BTD: variants seen among roughly 807,000 people sequenced by gnomAD.
The protein encoded by BTD is biocytinase.
A neutral mutation model predicts 17.7 loss-of-function variants in BTD; 13 were observed. That is an observed-to-expected ratio of 0.74 (90% confidence interval 0.48 to 1.17). The LOEUF (loss-of-function observed/expected upper bound fraction) is 1.17. BTD is among the 50% of genes most tolerant of loss of function. The pLI, the probability that BTD is intolerant of heterozygous loss-of-function variation, is 0.00. For missense variants in BTD, 674 were observed against 650.4 expected, an observed-to-expected ratio of 1.04 and a Z score of -0.39; for synonymous variants, 240 against 245.2, an observed-to-expected ratio of 0.98 and a Z score of 0.20.
intron 1 of BTD, among the ~76,000 whole-genome samples, chr3:15,611,708 G>A (rs1002028103): frequency 1.3e-5 from 2 of 151,562 alleles, no homozygotes; most frequent in Non-Finnish European, 2.9e-5. Context: ...AATCCAGGAG[G>A]CAGAGGTTGC....
At chr3:15,700,546 C>T (rs932587275) in intron 3 of BTD, among the ~76,000 whole-genome samples, 32 of 151,952 alleles carry the variant, frequency 2.1e-4, no homozygotes, top group African/African-American at 5.5e-4. Context: ...GAGGCTGAGG[C>T]GGGCAGATCA....
chr3:15,651,344 A>G lies in BTD; in HGVS notation c.*5856A>G, dbSNP rs2065799434. Among the ~76,000 whole-genome samples the G allele has an allele frequency of 6.6e-6, 1 of 152,186 alleles. No individual in the cohort carries two copies. The highest frequency in any genetic ancestry group is 6.5e-5 in the Admixed American group (1 of 15,280). Reference sequence around the variant, plus strand: ...GGCCATAGCAGGAGGGAGACTGCAAATCTTGATTGAGGAGATCTTAAGAAC... The same window carrying G: ...GGCCATAGCAGGAGGGAGACTGCAAGTCTTGATTGAGGAGATCTTAAGAAC... On this transcript the variant is annotated 3_prime_UTR_variant, in exon 4 of 4. Coordinates refer to ENST00000643237, the MANE Select transcript of BTD (RefSeq NM_001370658.1).
At chr3:15,614,199 C>A (rs376385332) in intron 1 of BTD, among the ~76,000 whole-genome samples, 1 of 151,302 alleles carries the variant, frequency 6.6e-6, no homozygotes, top group Non-Finnish European at 1.5e-5. Context: ...CCGTAGCCCA[C>A]TGCAGCCTTA....
chr3:15,706,605 A>G (rs2071466078), intron 3 of BTD, among the ~76,000 whole-genome samples: 4 of 152,170 alleles, frequency 2.6e-5, no homozygotes, highest in Admixed American at 2.6e-4. Context: ...GTATATACCC[A>G]GTAATGGGAT....
At chr3:15,622,857 A>G (rs1460493523) in intron 1 of BTD, among the ~76,000 whole-genome samples, 2 of 152,220 alleles carry the variant, frequency 1.3e-5, no homozygotes, top group Non-Finnish European at 2.9e-5. Context: ...TCTGAAATTT[A>G]TGTAGCTATT....
intron 3 of BTD, chr3:15,678,421 T>G (rs141022482): frequency 2.1e-6 from 3 of 1,459,136 alleles, no homozygotes; most frequent in Non-Finnish European, 1.8e-6. Flanking sequence ...AAAATATTCT[T>G]TAATTTGTGA....
At chr3:15,669,951 A>G (rs1228386198) in intron 3 of BTD, 1 of 233,658 alleles carries the variant, frequency 4.3e-6, no homozygotes, top group Non-Finnish European at 8.4e-6. Flanking sequence ...CTGTTACAAT[A>G]GTGTTGCTTG....
intron 1 of BTD, among the ~76,000 whole-genome samples, chr3:15,617,814 T>C (rs1394911701): frequency 2.0e-5 from 3 of 152,266 alleles, no homozygotes; most frequent in Admixed American, 1.3e-4. Flanking sequence ...GTCTGTTCTT[T>C]GGCCAATTGA....
At chr3:15,721,919 T>C (rs1262722107) in exon 5 of BTD, among the ~76,000 whole-genome samples, 2 of 152,122 alleles carry the variant, frequency 1.3e-5, no homozygotes, top group Admixed American at 6.5e-5. Context: ...CTAATATTTG[T>C]ATTTTAGTAG....
In BTD at chr3:15,635,344, A is replaced by T; in HGVS notation, c.-16-80A>T. 6.3e-7 allele frequency: 1 copy of T among 1,592,518 alleles called. No homozygotes were observed. The highest frequency in any genetic ancestry group is 8.6e-7 in the Non-Finnish European group (1 of 1,163,158). On this transcript the variant is annotated intron_variant, in intron 1 of 3. Transcript: ENST00000643237. The surrounding 1 kb of genome is among the most constrained non-coding windows in gnomAD (Gnocchi z 4.1). ...GCGAGTGAGTTTAATTGCTGGGATT[A>T]ATAAATCACAGCTGCAAACGTTAAA...
At chr3:15,694,419 A>G (rs992735588) in intron 3 of BTD, among the ~76,000 whole-genome samples, 1 of 152,148 alleles carries the variant, frequency 6.6e-6, no homozygotes, top group African/African-American at 2.4e-5. Context: ...CCACTAGGGC[A>G]GCACATTTTA....
intron 1 of BTD, among the ~76,000 whole-genome samples, chr3:15,606,068 A>G (rs12330789): frequency 0.13 from 18,592 of 140,808 alleles, 1,612 homozygotes; most frequent in East Asian, 0.36. Flanking sequence ...AAAAAAAAAG[A>G]TGTGAAATCA....
chr3:15,644,294 T>C, intron 3 of BTD, 22 bp from the exon 4 acceptor site: 1 of 1,607,782 alleles, frequency 6.2e-7, no homozygotes, highest in Non-Finnish European at 8.5e-7. Context: ...ACCTCATTTA[T>C]TTACACCTTT....
At chr3:15,672,350 C>T (rs1485061603) in intron 3 of BTD, among the ~76,000 whole-genome samples, 3 of 152,114 alleles carry the variant, frequency 2.0e-5, no homozygotes, top group Admixed American at 2.0e-4. Flanking sequence ...CTTTGTTCCC[C>T]AGGCTGGTCT....
At chr3:15,612,445 T>C (rs1007096938) in intron 1 of BTD, among the ~76,000 whole-genome samples, 2 of 152,202 alleles carry the variant, frequency 1.3e-5, no homozygotes, top group African/African-American at 4.8e-5. Flanking sequence ...TTACTGGCAT[T>C]GATGTTATTG....
intron 1 of BTD, among the ~76,000 whole-genome samples, chr3:15,620,448 C>G (rs1026447677): frequency 6.6e-6 from 1 of 152,314 alleles, no homozygotes; most frequent in East Asian, 1.9e-4. Flanking sequence ...AAAAATGTGG[C>G]TCTTTTAGCC....
intron 3 of BTD, among the ~76,000 whole-genome samples, chr3:15,659,988 T>G (rs1030184715): frequency 1.3e-5 from 2 of 152,246 alleles, no homozygotes; most frequent in African/African-American, 4.8e-5. Flanking sequence ...ATTATTTCAT[T>G]TAATTCTTCT....
intron 1 of BTD, chr3:15,630,036 G>A (rs1349898187): frequency 2.0e-6 from 2 of 985,300 alleles, no homozygotes; most frequent in Non-Finnish European, 2.4e-6. Context: ...TGTGTCACAG[G>A]GGGAATGGGC....
chr3:15,642,884 C>G (rs2065562241), intron 3 of BTD, among the ~76,000 whole-genome samples: 1 of 151,466 alleles, frequency 6.6e-6, no homozygotes, highest in Non-Finnish European at 1.5e-5. Flanking sequence ...TCCCTCAGGC[C>G]AGGTGTGGTG....
Sources: allele counts gnomAD v4.1 joint callset (sites outside exome capture counted in the v4.1 genomes callset), GRCh38; gene constraint gnomAD v4.1.1; non-coding constraint Gnocchi (gnomAD v3.1); transcripts MANE v1.5; gene names NCBI Gene and HGNC (gene_info 2026-07-23, HGNC 2026-07-21).